LMO2: variants seen among roughly 807,000 people sequenced by gnomAD.
LMO2 encodes LIM domain only 2.
In LMO2, 20 loss-of-function variants were observed where a neutral mutation model predicts 23.2. The ratio of observed to expected loss-of-function variants is 0.86; its 90% CI spans 0.61 to 1.25. The LOEUF is 1.25. LMO2 is among the 50% of genes most tolerant of loss of function. The pLI, the probability that LMO2 is intolerant of heterozygous loss-of-function variation, is 0.00. For missense variants in LMO2, 270 were observed against 315.3 expected (o/e 0.86, Z 1.09); for synonymous variants, 123 against 130.2 (o/e 0.94, Z 0.38).
chr11:33,891,053 T>C (rs1386260619), intron 1 of LMO2, among the ~76,000 whole-genome samples: 1 of 152,236 alleles, frequency 6.6e-6, no homozygotes, highest in African/African-American at 2.4e-5. Flanking sequence ...TTATGCAAAG[T>C]CAACAAGAGA....
chr11:33,870,082 T>A (rs1304255759), intron 2 of LMO2, 95 bp from the exon 3 acceptor site: 33 of 464,894 alleles, frequency 7.1e-5, no homozygotes, highest in African/African-American at 7.0e-4. Context: ...TTTTTTTTTT[T>A]TTTTTTTAAA....
chr11:33,878,217 T>A (rs1857183284), intron 2 of LMO2, among the ~76,000 whole-genome samples: 1 of 152,122 alleles, frequency 6.6e-6, no homozygotes, highest in Non-Finnish European at 1.5e-5. Context: ...CAACTTTACA[T>A]CCCACAGTCC....
In LMO2 at chr11:33,880,681, T is replaced by C. The variant is rs1857260254; in HGVS notation, c.-272+1143A>G. On this transcript the variant is annotated intron_variant, in intron 2 of 5. Transcript: ENST00000257818. This position sits in a 1 kb window ranked among gnomAD's most constrained non-coding sequence, Gnocchi z 4.3. ...TGTTAAATTTTACGATGTACGTATT[T>C]AACCCCCACACGCCCCAAACAAATC... 1 of 159,726 alleles carries C rather than the reference T, an allele frequency of 6.3e-6. No individual in the cohort carries two copies. The highest frequency in any genetic ancestry group is 1.4e-5 in the Non-Finnish European group (1 of 72,604). The allele number at this position is 159,726 out of a possible 1,614,324, so 9.9% of individuals were successfully genotyped here. A position where few individuals can be genotyped will look rare whatever the true frequency, so the allele number is the denominator to read the frequency against.
At chr11:33,867,046 T>C (rs1297712414) in intron 4 of LMO2, among the ~76,000 whole-genome samples, 1 of 152,208 alleles carries the variant, frequency 6.6e-6, no homozygotes, top group East Asian at 1.9e-4. Context: ...TGTCCCGATG[T>C]TGATGCTGCC....
chr11:33,879,553 AG>A (rs757519115), intron 2 of LMO2, among the ~76,000 whole-genome samples: 1 of 151,948 alleles, frequency 6.6e-6, no homozygotes, highest in Admixed American at 6.6e-5. Context: ...ACTTGAGCCC[AG>A]GAAGGGAGAC....
intron 5 of LMO2, among the ~76,000 whole-genome samples, chr11:33,862,168 A>C (rs185202834): frequency 8.3e-4 from 126 of 152,312 alleles, no homozygotes; most frequent in Non-Finnish European, 1.5e-3. Context: ...AAGGGGAGGA[A>C]GCCAAGCCAA....
chr11:33,867,788 A>G (rs1856841129), intron 4 of LMO2, among the ~76,000 whole-genome samples: 1 of 152,248 alleles, frequency 6.6e-6, no homozygotes, highest in African/African-American at 2.4e-5. Flanking sequence ...TGAAAGAAGC[A>G]AACTTCCTTC....
intron 1 of LMO2, among the ~76,000 whole-genome samples, 179 bp from the exon 2 acceptor site, chr11:33,882,066 G>A (rs1222557707): frequency 6.6e-6 from 1 of 152,198 alleles, no homozygotes; most frequent in African/African-American, 2.4e-5. Context: ...AGCGTGACGG[G>A]TGGGGCAGGC....
chr11:33,866,199 G>A (rs114475732), intron 4 of LMO2, among the ~76,000 whole-genome samples: 2,890 of 152,292 alleles, frequency 0.019, 87 homozygotes, highest in African/African-American at 0.063. Context: ...AGGTGATCCC[G>A]TCATGTGAAG....
In LMO2 at chr11:33,869,816, C is replaced by G; in HGVS notation, c.-100G>C. On this transcript the variant is annotated 5_prime_UTR_variant, in exon 3 of 6. Coordinates refer to ENST00000257818, the MANE Select transcript of LMO2 (RefSeq NM_005574.4). ...GTGCGCCCGCCCGGCCGCCCGGAGC[C>G]CCTCGCACCTTCGGCCCGGGTCGCG... The G allele has an allele frequency of 6.4e-6, 7 of 1,091,354 alleles. No individual in the cohort carries two copies. Among genetic ancestry groups the G allele is most frequent in the Non-Finnish European group, 6.7e-6 (6 of 899,488 alleles). 67.6% of individuals were successfully genotyped at this position (1,091,354 alleles called of 1,614,324 possible).
At chr11:33,881,196 C>T (rs557800827) in intron 2 of LMO2, 28 of 457,078 alleles carry the variant, frequency 6.1e-5, no homozygotes, top group Admixed American at 9.4e-5. Context: ...TCGAGACTGC[C>T]GTGGGCCTGC....
chr11:33,867,435 A>T (rs1856829265), intron 4 of LMO2, among the ~76,000 whole-genome samples: 1 of 152,214 alleles, frequency 6.6e-6, no homozygotes, highest in African/African-American at 2.4e-5. Flanking sequence ...AATTAATGAT[A>T]ATATCACATT....
chr11:33,867,561 C>G lies in LMO2; in HGVS notation c.248+1785G>C, dbSNP rs541193265. Among the ~76,000 whole-genome samples, 33 of 152,262 alleles carry G rather than the reference C, an allele frequency of 2.2e-4. No individual in the cohort carries two copies. The South Asian group carries it at 6.2e-3, about 29-fold the overall frequency. The stretch of plus-strand genomic sequence containing the variant: ...TATTACACCTGAGTATCATTTAAGC[C>G]TGGATTTCTGGGACAATCATAACAA... On this transcript the variant is annotated intron_variant, in intron 4 of 5. Coordinates refer to ENST00000257818, the MANE Select transcript of LMO2 (RefSeq NM_005574.4).
At position 33,880,216 on chromosome 11, in the gene LMO2, A is replaced by ATATATACACATGATATATATAT. The variant is rs2133711044; in HGVS notation, c.-272+1586_-272+1607dup. On this transcript the variant is annotated intron_variant, in intron 2 of 5. Transcript: ENST00000257818. This position sits in a 1 kb window ranked among gnomAD's most constrained non-coding sequence, Gnocchi z 4.3. ...CATATATACACATGATATATATATC[A>ATATATACACATGATATATATAT]TATATACACATGATATATATATCAT... Among the ~76,000 whole-genome samples the ATATATACACATGATATATATAT allele has an allele frequency of 1.3e-5, 2 of 148,476 alleles. No homozygotes were observed. Among genetic ancestry groups the ATATATACACATGATATATATAT allele is most frequent in the South Asian group, 4.2e-4 (2 of 4,740 alleles).
intron 2 of LMO2, among the ~76,000 whole-genome samples, chr11:33,876,926 G>C (rs1857149169): frequency 6.6e-6 from 1 of 152,204 alleles, no homozygotes; most frequent in Admixed American, 6.5e-5. Context: ...GCCAAATGCT[G>C]AGCCCAGTGA....
intron 4 of LMO2, among the ~76,000 whole-genome samples, chr11:33,866,662 T>G (rs1856796751): frequency 6.6e-6 from 1 of 152,090 alleles, no homozygotes; most frequent in Non-Finnish European, 1.5e-5. Context: ...TTGTTTGTTT[T>G]GAGACACAGT....
At chr11:33,882,404 A>T (rs956688117) in intron 1 of LMO2, among the ~76,000 whole-genome samples, 10 of 152,334 alleles carry the variant, frequency 6.6e-5, no homozygotes, top group African/African-American at 2.4e-4. Flanking sequence ...TGCCCATTTG[A>T]TAGGAGAGGA....
At position 33,859,010 on chromosome 11, in the gene LMO2, C is replaced by G; in HGVS notation, c.*346G>C. The G allele has an allele frequency of 3.1e-6, 1 of 318,936 alleles. No individual in the cohort carries two copies. Among genetic ancestry groups the G allele is most frequent in the East Asian group, 4.7e-5 (1 of 21,248 alleles). The allele number at this position is 318,936 out of a possible 1,614,324, so 19.8% of individuals were successfully genotyped here. ...CGCAAGCGTCAAAGTCACAACAAGTCTGTACACAACAACTCTCTATCTGTA... is the reference window on the plus strand; with the variant it reads ...CGCAAGCGTCAAAGTCACAACAAGTGTGTACACAACAACTCTCTATCTGTA... On this transcript the variant is annotated 3_prime_UTR_variant, in exon 6 of 6. Coordinates refer to ENST00000257818, the MANE Select transcript of LMO2 (RefSeq NM_005574.4).
chr11:33,879,511 G>A (rs893004000), intron 2 of LMO2, among the ~76,000 whole-genome samples: 3 of 151,044 alleles, frequency 2.0e-5, no homozygotes, highest in African/African-American at 7.3e-5. Flanking sequence ...GCCTGTAATC[G>A]CAGTTACTCA....
Sources: allele counts gnomAD v4.1 joint callset (sites outside exome capture counted in the v4.1 genomes callset), GRCh38; gene constraint gnomAD v4.1.1; non-coding constraint Gnocchi (gnomAD v3.1); transcripts MANE v1.5; gene names NCBI Gene and HGNC (gene_info 2026-07-23, HGNC 2026-07-21).